Variants in BLNK observed in about 807,000 individuals in gnomAD.
BLNK encodes the protein B cell linker, also known as B-cell linker protein.
A neutral mutation model predicts 73.5 loss-of-function variants in BLNK; 29 were observed. The observed-to-expected ratio is 0.39, with a 90% CI of 0.29 to 0.54. The LOEUF is 0.54. Ranked by LOEUF, BLNK falls within the 20% of genes least tolerant of loss-of-function variation. BLNK has a pLI of 0.61. For missense variants in BLNK, 460 were observed against 562.8 expected, an observed-to-expected ratio of 0.82 and a Z score of 1.85; for synonymous variants, 176 against 200.8, an observed-to-expected ratio of 0.88 and a Z score of 1.04.
intron 6 of BLNK, among the ~76,000 whole-genome samples, chr10:96,222,819 A>C (rs4917723): frequency 0.37 from 56,447 of 152,076 alleles, 11,044 homozygotes; most frequent in South Asian, 0.49. Flanking sequence ...GGTGGAGGAA[A>C]GAAAGCAAGG....
intron 6 of BLNK, among the ~76,000 whole-genome samples, chr10:96,222,922 G>C (rs587771005): frequency 6.6e-6 from 1 of 152,238 alleles, no homozygotes; most frequent in South Asian, 2.1e-4. Flanking sequence ...GAGACCATCA[G>C]GTGATTGTCA....
At chr10:96,252,754 G>T (rs1843337722) in intron 1 of BLNK, among the ~76,000 whole-genome samples, 1 of 152,168 alleles carries the variant, frequency 6.6e-6, no homozygotes, top group South Asian at 2.1e-4. Context: ...CCCTCTCCTT[G>T]CGTGACAATG....
At chr10:96,267,271 C>T (rs782266649) in intron 1 of BLNK, among the ~76,000 whole-genome samples, 14 of 151,888 alleles carry the variant, frequency 9.2e-5, no homozygotes, top group Non-Finnish European at 1.6e-4. Context: ...ATAACCTATC[C>T]GGGATGTTGT....
rs782805265 is a variant in BLNK, at chr10:96,236,812, C to T, written c.163+5923G>A. 7.2e-5 allele frequency among the ~76,000 whole-genome samples: 11 copies of T among 151,994 alleles called. No individual in the cohort carries two copies. In the South Asian group the frequency reaches 1.0e-3, roughly 14 times the overall value. The stretch of plus-strand genomic sequence containing the variant: ...CTGGACCCCAGCCTGGGTGACAGGG[C>T]GAGACCCCGTCTCAAAAAAAGAAAA... On this transcript the variant is annotated intron_variant, in intron 3 of 16. Transcript: ENST00000224337.
At chr10:96,211,663 A>G (rs1367011926) in intron 8 of BLNK, among the ~76,000 whole-genome samples, 1 of 152,216 alleles carries the variant, frequency 6.6e-6, no homozygotes, top group Non-Finnish European at 1.5e-5. Context: ...CCTCCATGAC[A>G]GCTGTCTTCC....
intron 16 of BLNK, among the ~76,000 whole-genome samples, chr10:96,193,924 A>C (rs182667594): frequency 3.1e-4 from 47 of 152,340 alleles, no homozygotes; most frequent in African/African-American, 1.1e-3. Context: ...AGGGGACATA[A>C]TCTTTTTATT....
intron 1 of BLNK, among the ~76,000 whole-genome samples, chr10:96,257,291 C>A (rs1303278633): frequency 4.6e-5 from 7 of 152,098 alleles, no homozygotes; most frequent in African/African-American, 1.7e-4. Flanking sequence ...GACCTTTCCT[C>A]GGGGTGTGTC....
At chr10:96,196,839 A>G in intron 16 of BLNK, 69 bp downstream of exon 16, 2 of 1,462,978 alleles carry the variant, frequency 1.4e-6, no homozygotes, top group Non-Finnish European at 1.9e-6. Context: ...TCTAGCATCT[A>G]ATACAGTATT....
chr10:96,217,982 G>A (rs1036979899), intron 6 of BLNK, among the ~76,000 whole-genome samples: 1 of 152,152 alleles, frequency 6.6e-6, no homozygotes, highest in Admixed American at 6.5e-5. Flanking sequence ...TGTATGGTGC[G>A]AGATTAGAAG....
chr10:96,243,992 G>GA (rs1233370494), intron 2 of BLNK, among the ~76,000 whole-genome samples: 1 of 147,550 alleles, frequency 6.8e-6, no homozygotes, highest in Non-Finnish European at 1.5e-5. Context: ...TTCATGTTTT[G>GA]AAAAAAAAAG....
intron 3 of BLNK, among the ~76,000 whole-genome samples, chr10:96,233,310 A>G (rs1293070749): frequency 1.3e-5 from 2 of 152,216 alleles, no homozygotes; most frequent in Non-Finnish European, 1.5e-5. Flanking sequence ...AAAGTAGTGC[A>G]TTAGCCATCT....
intron 3 of BLNK, among the ~76,000 whole-genome samples, chr10:96,233,493 C>T (rs1472381676): frequency 6.6e-6 from 1 of 151,388 alleles, no homozygotes; most frequent in East Asian, 1.9e-4. Flanking sequence ...ATGCCTCTGC[C>T]TTCTGTCCCA....
chr10:96,267,962 A>T (rs1292724085), intron 1 of BLNK, among the ~76,000 whole-genome samples: 1 of 152,172 alleles, frequency 6.6e-6, no homozygotes, highest in African/African-American at 2.4e-5. Context: ...GCCCTACAAC[A>T]TTGGTACTGT....
intron 8 of BLNK, 123 bp downstream of exon 8, chr10:96,215,198 G>A: frequency 9.3e-7 from 1 of 1,080,642 alleles, no homozygotes; most frequent in Middle Eastern, 2.6e-4. Context: ...ATGAGGATGA[G>A]GACTGGCCTT....
chr10:96,199,569 G>C (rs1554895566), intron 15 of BLNK: 1 of 457,258 alleles, frequency 2.2e-6, no homozygotes, highest in Admixed American at 2.3e-5. Context: ...AAATGAGATG[G>C]AGGAACTTGA....
At chr10:96,204,145 C>T in intron 12 of BLNK, 57 bp from the exon 13 acceptor site, 1 of 1,585,520 alleles carries the variant, frequency 6.3e-7, no homozygotes, top group Non-Finnish European at 8.7e-7. Context: ...GTAAGTTTGA[C>T]TTTTTGTTTA....
intron 3 of BLNK, among the ~76,000 whole-genome samples, chr10:96,232,646 G>A (rs1554904258): frequency 1.3e-5 from 2 of 152,196 alleles, no homozygotes; most frequent in South Asian, 2.1e-4. Context: ...ACACTTTGAC[G>A]TGAACAGAAA....
At position 96,189,406 on chromosome 10, in the gene BLNK, C is replaced by A; in HGVS notation, c.*2567G>T. The stretch of plus-strand genomic sequence containing the variant: ...CCAGGATCTTGAATAGTCTCCTGGT[C>A]AGTTGTCCGGAAGCAATTCTTCACA... On this transcript the variant is annotated 3_prime_UTR_variant, in exon 17 of 17. Coordinates refer to ENST00000224337, the MANE Select transcript of BLNK (RefSeq NM_013314.4). 3.4e-6 allele frequency: 2 copies of A among 594,488 alleles called. No homozygotes were observed. Among genetic ancestry groups the A allele is most frequent in the South Asian group, 2.8e-5 (2 of 71,632 alleles). The allele number at this position is 594,488 out of a possible 1,614,324, so 36.8% of individuals were successfully genotyped here.
intron 6 of BLNK, 42 bp downstream of exon 6, chr10:96,223,784 C>G (rs781940797): frequency 9.9e-6 from 16 of 1,610,904 alleles, no homozygotes; most frequent in African/African-American, 5.3e-5. Context: ...TGCCCCACCC[C>G]CCTCTGTGTC....
Sources: gnomAD v4.1 joint callset for allele counts (sites outside exome capture counted in the v4.1 genomes callset) on GRCh38, gnomAD v4.1.1 for gene constraint, MANE v1.5 for transcripts, NCBI Gene and HGNC (gene_info 2026-07-23, HGNC 2026-07-21) for gene names.